The following C5orf34 variants were observed in gnomAD, a reference collection of about 807,000 sequenced individuals.
The protein encoded by C5orf34 is uncharacterized protein C5orf34.
In C5orf34, 73 loss-of-function variants were observed where a neutral mutation model predicts 78.4. That is an observed-to-expected ratio of 0.93 (90% CI 0.77 to 1.13). The LOEUF is 1.13. C5orf34 is among the 50% of genes most tolerant of loss of function. The probability of loss-of-function intolerance (pLI) is 0.00; values close to 1 mark genes in which losing one functional copy is unlikely to be tolerated. For synonymous variants in C5orf34, 251 were observed against 246.6 expected, an observed-to-expected ratio of 1.02 and a Z score of -0.17; for missense variants, 730 against 732.7, an observed-to-expected ratio of 1.00 and a Z score of 0.04.
Position 43,493,291 on chromosome 5 carries a change from A to G in C5orf34, c.1314+252T>C, listed in dbSNP as rs368735260. 1.5e-4 allele frequency among the ~76,000 whole-genome samples: 23 copies of G among 152,224 alleles called. No individual in the cohort carries two copies. In the South Asian group the frequency reaches 4.6e-3, roughly 30 times the overall value. On this transcript the variant is annotated intron_variant, in intron 8 of 12. Coordinates refer to ENST00000306862, the MANE Select transcript of C5orf34 (RefSeq NM_198566.4). ...TTTATAATGACTAATGATTTTACAT[A>G]CTTCAAATCCAATCAGTTCCCCTAT...
chr5:43,496,298 A>G, intron 6 of C5orf34: 1 of 1,584,496 alleles, frequency 6.3e-7, no homozygotes, highest in Non-Finnish European at 8.6e-7. Flanking sequence ...TACTTGAAGG[A>G]GTCCTTTCCC....
chr5:43,510,284 C>A (rs910305491), intron 1 of C5orf34, among the ~76,000 whole-genome samples: 3 of 152,158 alleles, frequency 2.0e-5, no homozygotes, highest in African/African-American at 7.2e-5. Context: ...TTTATTACTA[C>A]TGAGCAACTT....
intron 6 of C5orf34, 52 bp downstream of exon 6, chr5:43,502,320 G>T (rs1201629507): frequency 1.9e-6 from 3 of 1,586,150 alleles, no homozygotes; most frequent in South Asian, 1.1e-5. Context: ...GAATTATTTA[G>T]AAAGAGCTAT....
In C5orf34 at chr5:43,492,863, GTATATTGCTA is replaced by G; in HGVS notation, c.1332_1341del (p.Ser445CysfsTer5). On this transcript the variant is annotated frameshift_variant, in exon 9 of 13. Coordinates refer to ENST00000306862, the MANE Select transcript of C5orf34 (RefSeq NM_198566.4). LOFTEE classifies it high-confidence loss of function. ...AGTGACTCTTTCAAAACCAAAGGCA[GTATATTGCTA>G]TCATTTATCCCAGGTACCTAAAACC... 1.9e-6 allele frequency: 3 copies of G among 1,606,838 alleles called. No homozygotes were observed. The highest frequency in any genetic ancestry group is 2.6e-6 in the Non-Finnish European group (3 of 1,175,690).
chr5:43,509,251 C>T lies in C5orf34; in HGVS notation c.89G>A (p.Cys30Tyr). 6.2e-7 allele frequency: 1 copy of T among 1,614,112 alleles called. No homozygotes were observed. Among genetic ancestry groups the T allele is most frequent in the Non-Finnish European group, 8.5e-7 (1 of 1,179,964 alleles). Residue 30 changes from cysteine to tyrosine, a missense_variant, in exon 2 of 13, where the codon TGT (cysteine) becomes TAT (tyrosine). Cys to Tyr is a radical substitution (Grantham distance 194, BLOSUM62 -2). Coordinates refer to ENST00000306862, the MANE Select transcript of C5orf34 (RefSeq NM_198566.4). ...VDGSTLQLSPCGSEFLFEKSP... is the reference protein window; with the variant it reads ...VDGSTLQLSPYGSEFLFEKSP... ...CTTTTCAAATAAAAATTCAGAGCCA[C>T]AGGGAGAAAGTTGCAATGTGGAACC... is the stretch of plus-strand genomic sequence containing the variant.
intron 11 of C5orf34, chr5:43,488,248 C>G (rs138769807): frequency 6.6e-5 from 22 of 334,604 alleles, no homozygotes; most frequent in African/African-American, 3.6e-4. Flanking sequence ...TAGTACTAAC[C>G]TAGCTTACAC....
intron 6 of C5orf34, among the ~76,000 whole-genome samples, chr5:43,501,815 A>G (rs546925774): frequency 6.6e-5 from 10 of 152,314 alleles, no homozygotes; most frequent in Admixed American, 3.9e-4. Context: ...GATTGCTGTG[A>G]AATGGTAGAT....
chr5:43,505,894 A>G lies in C5orf34; in HGVS notation c.786T>C (p.His262=). The G allele has an allele frequency of 6.2e-7, 1 of 1,613,968 alleles. No individual in the cohort carries two copies. The highest frequency in any genetic ancestry group is 1.1e-5 in the South Asian group (1 of 91,050). ...TTTTAGACATATTGCTGATTTTATT[A>G]TGAAAATGAAGTGCTAAAGACAAAG... is the stretch of plus-strand genomic sequence containing the variant. ...KYPLSLALHF[H]NKISNMSKID... is the part of the protein sequence containing the mutation. The change falls in exon 4 of 13, where the codon CAT becomes CAC. Residue 262 remains histidine (H), a synonymous_variant. Coordinates refer to ENST00000306862, the MANE Select transcript of C5orf34 (RefSeq NM_198566.4).
Position 43,505,989 on chromosome 5 carries a change from G to A in C5orf34, c.691C>T (p.His231Tyr), listed in dbSNP as rs1205123869. Residue 231 changes from histidine (H) to tyrosine (Y), a missense_variant, in exon 4 of 13, where the codon CAC becomes TAC. Physicochemically the swap from His to Tyr is moderately conservative, Grantham distance 83 (BLOSUM62 2). Coordinates refer to ENST00000306862, the MANE Select transcript of C5orf34 (RefSeq NM_198566.4). ...REELPSPGTKHTCVYTWVKQC... is the reference protein window; with the variant it reads ...REELPSPGTKYTCVYTWVKQC... ...TTGACCCATGTGTATACACATGTGT[G>A]CTTTGTACCAGGCGAAGGCAGCTCT... is the stretch of plus-strand genomic sequence containing the variant. The A allele has an allele frequency of 3.7e-6, 6 of 1,614,184 alleles. No homozygotes were observed. The highest frequency in any genetic ancestry group is 1.7e-5 in the Admixed American group (1 of 60,026).
intron 8 of C5orf34, 151 bp from the exon 9 acceptor site, chr5:43,493,041 C>T (rs1472222628): frequency 4.7e-6 from 2 of 426,942 alleles, no homozygotes; most frequent in South Asian, 3.8e-5. Context: ...GAAGTGGATA[C>T]CCAAAACAGT....
At chr5:43,494,700 G>C in intron 6 of C5orf34, 99 bp from the exon 7 acceptor site, 1 of 582,168 alleles carries the variant, frequency 1.7e-6, no homozygotes, top group Non-Finnish European at 3.0e-6. Context: ...ATAGTGACAA[G>C]ACGAGTAGTT....
chr5:43,511,018 A>G, intron 1 of C5orf34: 2 of 192,880 alleles, frequency 1.0e-5, no homozygotes, highest in Middle Eastern at 2.1e-3. Context: ...CCGGCCGCCC[A>G]TCGTCTGAGA....
intron 6 of C5orf34, among the ~76,000 whole-genome samples, chr5:43,499,159 A>G (rs1476614662): frequency 1.3e-5 from 2 of 152,220 alleles, no homozygotes; most frequent in Non-Finnish European, 2.9e-5. Context: ...AGCTTCTTTA[A>G]TTTGAATAGT....
intron 6 of C5orf34, among the ~76,000 whole-genome samples, chr5:43,500,390 T>G (rs933549492): frequency 6.6e-6 from 1 of 152,176 alleles, no homozygotes; most frequent in Non-Finnish European, 1.5e-5. Flanking sequence ...TCTAAAATTT[T>G]CTTTTAATTA....
At chr5:43,503,879 G>T in intron 4 of C5orf34, 119 bp from the exon 5 acceptor site, 1 of 626,040 alleles carries the variant, frequency 1.6e-6, no homozygotes, top group Non-Finnish European at 2.8e-6. Flanking sequence ...CTAGATCAAA[G>T]AATAAAAATT....
rs1297941063 is a variant in C5orf34 at position 43,509,254 on chromosome 5, G to A, written c.86C>T (p.Pro29Leu). The change falls in exon 2 of 13, where the codon CCC becomes CTC. Residue 29 changes from proline (P) to leucine (L), a missense_variant. Transcript: ENST00000306862. ...YVDGSTLQLS[P>L]CGSEFLFEKS... ...TTCAAATAAAAATTCAGAGCCACAG[G>A]GAGAAAGTTGCAATGTGGAACCATC... 15 of 1,613,972 alleles carry A rather than the reference G, an allele frequency of 9.3e-6. No homozygotes were observed. In the East Asian group the frequency reaches 3.3e-4, roughly 36 times the overall value.
At chr5:43,503,019 T>C (rs1486854979) in intron 5 of C5orf34, among the ~76,000 whole-genome samples, 1 of 152,242 alleles carries the variant, frequency 6.6e-6, no homozygotes, top group Non-Finnish European at 1.5e-5. Context: ...GTTAATTTTA[T>C]TAACATACAT....
chr5:43,491,837 C>T (rs146735629), intron 10 of C5orf34, among the ~76,000 whole-genome samples: 2,193 of 151,906 alleles, frequency 0.014, 46 homozygotes, highest in African/African-American at 0.045. Flanking sequence ...AACCCCATCT[C>T]TACTAAAAAT....
chr5:43,503,421 T>A (rs1745845773), intron 5 of C5orf34, among the ~76,000 whole-genome samples: 1 of 152,218 alleles, frequency 6.6e-6, no homozygotes, highest in Non-Finnish European at 1.5e-5. Flanking sequence ...AATCCCTCAT[T>A]GGCTTTGGAG....
Sources: allele counts gnomAD v4.1 joint callset (sites outside exome capture counted in the v4.1 genomes callset), GRCh38; gene constraint gnomAD v4.1.1; transcripts MANE v1.5; gene names NCBI Gene and HGNC (gene_info 2026-07-23, HGNC 2026-07-21).